SVEP1: variants seen among roughly 807,000 people sequenced by gnomAD.
The protein encoded by SVEP1 is sushi, von Willebrand factor type A, EGF and pentraxin domain-containing protein 1.
In SVEP1, 164 loss-of-function variants were observed where a neutral mutation model predicts 367.3. That is an observed-to-expected ratio of 0.45 (90% confidence interval 0.39 to 0.51). The LOEUF (loss-of-function observed/expected upper bound fraction) is 0.51. Ranked by LOEUF, SVEP1 falls within the 20% of genes least tolerant of loss-of-function variation. SVEP1 has a pLI of 0.00. For missense variants in SVEP1, 4,117 were observed against 4,425.3 expected (o/e 0.93, Z 1.98); for synonymous variants, 1,666 against 1,611.6 (o/e 1.03, Z -0.81).
chr9:110,434,924 G>A (rs1286382110), intron 29 of SVEP1, among the ~76,000 whole-genome samples: 2 of 151,598 alleles, frequency 1.3e-5, no homozygotes, highest in Non-Finnish European at 2.9e-5. Flanking sequence ...AACCAAAAGA[G>A]TACCCCATCT....
At chr9:110,573,261 C>T (rs1830587092) in intron 1 of SVEP1, among the ~76,000 whole-genome samples, 1 of 151,978 alleles carries the variant, frequency 6.6e-6, no homozygotes, top group East Asian at 1.9e-4. Context: ...CATACAAAGG[C>T]TATTATCAGC....
chr9:110,465,923 C>A lies in SVEP1; in HGVS notation c.3264G>T (p.Ser1088=), dbSNP rs757854629. The part of the protein sequence containing the change: ...QPKFGSRSCL[S]CPENTSTVKR... ...TCACAGTTGAGGTGTTTTCTGGACA[C>A]GAGAGGCAGCTCCGGGAACCAAATT... The change falls in exon 18 of 48, where the codon TCG becomes TCT. Residue 1088 remains serine, a synonymous_variant. Coordinates refer to ENST00000374469, the MANE Select transcript of SVEP1 (RefSeq NM_153366.4). 1.9e-6 allele frequency: 3 copies of A among 1,612,648 alleles called. No individual in the cohort carries two copies. The highest frequency in any genetic ancestry group is 4.5e-5 in the East Asian group (2 of 44,870).
rs1299971897 is a variant in SVEP1 at position 110,513,984 on chromosome 9, T to C, written c.1087A>G (p.Arg363Gly). Residue 363 changes from arginine to glycine, a missense_variant, in exon 4 of 48, where the codon AGA (arginine) becomes GGA (glycine). Around this residue, in one of 4 missense-constraint regions of SVEP1, gnomAD observed 2,174 missense variants for 2,494.3 expected, o/e 0.87. Coordinates refer to ENST00000374469, the MANE Select transcript of SVEP1 (RefSeq NM_153366.4). ...TGGCCAGATGCCCTGTATCCCTCTCTGCAGACACAGTCTTCAGGGGATGTG... is the reference window on the plus strand; with the variant it reads ...TGGCCAGATGCCCTGTATCCCTCTCCGCAGACACAGTCTTCAGGGGATGTG... ...GSTSPEDCVC[R>G]EGYRASGQTC... 8 of 1,613,238 alleles carry C rather than the reference T, an allele frequency of 5.0e-6. No individual in the cohort carries two copies. The highest frequency in any genetic ancestry group is 5.1e-6 in the Non-Finnish European group (6 of 1,179,644).
At chr9:110,528,156 G>GTGTGTGTATGTATATATATA in intron 3 of SVEP1, among the ~76,000 whole-genome samples, 8 of 33,940 alleles carry the variant, frequency 2.4e-4, no homozygotes, top group Admixed American at 1.4e-3. Context: ...GTGTGTGTGT[G>GTGTGTGTATGTATATATATA]TATATATATA....
chr9:110,436,375 T>C lies in SVEP1; in HGVS notation c.4764+5A>G. On this transcript the variant is annotated splice_donor_5th_base_variant and intron_variant, in intron 28 of 47. Coordinates refer to ENST00000374469, the MANE Select transcript of SVEP1 (RefSeq NM_153366.4). The stretch of plus-strand genomic sequence containing the variant: ...TTACTGTCATACACTGAAAATGGAA[T>C]TGACCTGCTGTGGAGACAGGACATA... The C allele has an allele frequency of 1.2e-6, 2 of 1,613,890 alleles. No homozygotes were observed. The highest frequency in any genetic ancestry group is 1.7e-6 in the Non-Finnish European group (2 of 1,179,836).
chr9:110,550,853 A>T (rs1157102350), intron 1 of SVEP1, among the ~76,000 whole-genome samples: 2 of 152,200 alleles, frequency 1.3e-5, no homozygotes, highest in Non-Finnish European at 2.9e-5. Context: ...ATAGAATTTT[A>T]AAAAATGAAA....
intron 27 of SVEP1, among the ~76,000 whole-genome samples, chr9:110,439,069 A>G (rs2118579182): frequency 6.6e-6 from 1 of 152,306 alleles, no homozygotes; most frequent in South Asian, 2.1e-4. Flanking sequence ...CCAGTCATTC[A>G]CTGCTATGCA....
At chr9:110,484,126 G>C (rs991251333) in intron 9 of SVEP1, among the ~76,000 whole-genome samples, 1 of 152,180 alleles carries the variant, frequency 6.6e-6, no homozygotes, top group Non-Finnish European at 1.5e-5. Flanking sequence ...AGGGCTAATA[G>C]ATGGCTAAAT....
In SVEP1 at chr9:110,511,488, C is replaced by CTTTTTTTTTTTTTTTTTTTTT. The variant is rs199993986; in HGVS notation, c.1303+1417_1303+1437dup. Among the ~76,000 whole-genome samples, 15 of 77,564 alleles carry CTTTTTTTTTTTTTTTTTTTTT rather than the reference C, an allele frequency of 1.9e-4. 1 individual carries two copies. Among genetic ancestry groups the CTTTTTTTTTTTTTTTTTTTTT allele is most frequent in the African/African-American group, 3.1e-4 (7 of 22,262 alleles). 50.9% of individuals were successfully genotyped at this position (77,564 alleles called of 152,430 possible). ...CTAGGTCCATTCATTGTGTCAGTAC[C>CTTTTTTTTTTTTTTTTTTTTT]TTTTTTTTTTTTTTTTTTTTTTTTT... On this transcript the variant is annotated intron_variant, in intron 5 of 47. Coordinates refer to ENST00000374469, the MANE Select transcript of SVEP1 (RefSeq NM_153366.4).
At chr9:110,476,182 C>T (rs921476074) in intron 14 of SVEP1, 22 bp downstream of exon 14, 6 of 1,489,506 alleles carry the variant, frequency 4.0e-6, no homozygotes, top group South Asian at 1.1e-5. Flanking sequence ...TGCCAACTAC[C>T]GATGCCACAG....
intron 39 of SVEP1, among the ~76,000 whole-genome samples, chr9:110,402,599 A>C (rs1827881249): frequency 1.3e-5 from 2 of 152,194 alleles, no homozygotes; most frequent in Admixed American, 1.3e-4. Context: ...TTAAAAAAAA[A>C]AGAGCTTAGT....
intron 3 of SVEP1, among the ~76,000 whole-genome samples, chr9:110,527,124 G>A (rs1463575047): frequency 6.6e-6 from 1 of 151,964 alleles, no homozygotes; most frequent in Non-Finnish European, 1.5e-5. Context: ...AAACCATATC[G>A]ATGTCAATAT....
chr9:110,446,244 G>A (rs9792495), intron 25 of SVEP1, among the ~76,000 whole-genome samples: 22,754 of 152,226 alleles, frequency 0.15, 2,275 homozygotes, highest in East Asian at 0.43. Flanking sequence ...GATAGGAAAA[G>A]CATTCAATAG....
chr9:110,436,632 C>A, intron 27 of SVEP1, 128 bp from the exon 28 acceptor site: 1 of 1,360,028 alleles, frequency 7.4e-7, no homozygotes, highest in Non-Finnish European at 9.7e-7. Flanking sequence ...AAGCAAAATT[C>A]TGTAAATTTA....
chr9:110,463,859 A>C (rs1204863552), intron 18 of SVEP1, among the ~76,000 whole-genome samples: 1 of 152,142 alleles, frequency 6.6e-6, no homozygotes, highest in Non-Finnish European at 1.5e-5. Context: ...ACCGCAGAAG[A>C]ATGTTAACTT....
At chr9:110,410,621 C>CAT (rs1435357144) in intron 37 of SVEP1, among the ~76,000 whole-genome samples, 1 of 152,206 alleles carries the variant, frequency 6.6e-6, no homozygotes, top group Non-Finnish European at 1.5e-5. Flanking sequence ...AATGCCTATA[C>CAT]ACTAGTAAAA....
chr9:110,371,256 A>G (rs1480431729), intron 46 of SVEP1, among the ~76,000 whole-genome samples: 1 of 152,212 alleles, frequency 6.6e-6, no homozygotes, highest in Non-Finnish European at 1.5e-5. Context: ...TTGCTGATAT[A>G]AGAACACGTT....
intron 30 of SVEP1, among the ~76,000 whole-genome samples, chr9:110,433,486 T>A (rs1418019675): frequency 1.8e-5 from 2 of 113,774 alleles, no homozygotes; most frequent in East Asian, 5.9e-4. Context: ...TTTTTTTTTT[T>A]AAGATAGGGT....
chr9:110,525,309 T>C (rs1829926934), intron 3 of SVEP1, among the ~76,000 whole-genome samples: 1 of 152,216 alleles, frequency 6.6e-6, no homozygotes, highest in Admixed American at 6.5e-5. Flanking sequence ...TTCTATGTAC[T>C]AGCAGTGAAC....
Sources: gnomAD v4.1 joint callset for allele counts (sites outside exome capture counted in the v4.1 genomes callset) on GRCh38, gnomAD v4.1.1 for gene constraint, gnomAD v4.1.1 regional missense constraint, MANE v1.5 for transcripts, NCBI Gene and HGNC (gene_info 2026-07-23, HGNC 2026-07-21) for gene names.